Variants in XIRP2 observed in about 807,000 individuals in gnomAD.
XIRP2 encodes xin actin binding repeat containing 2.
In XIRP2, 236 loss-of-function variants were observed where a neutral mutation model predicts 277.0. That is an observed-to-expected ratio of 0.85 (90% CI 0.77 to 0.95). The LOEUF (loss-of-function observed/expected upper bound fraction) is 0.95, where lower values mean the gene tolerates loss of function less well. Among genes scored for constraint, XIRP2 ranks in the 40% least tolerant of loss-of-function variants. XIRP2 has a pLI of 0.00. For synonymous variants in XIRP2, 1,490 were observed against 1,416.5 expected (o/e 1.05, Z -1.17); for missense variants, 4,640 against 4,157.5 (o/e 1.12, Z -3.19).
At chr2:167,017,672 C>T (rs1048206994) in intron 2 of XIRP2, among the ~76,000 whole-genome samples, 1 of 151,892 alleles carries the variant, frequency 6.6e-6, no homozygotes, top group African/African-American at 2.4e-5. Context: ...CTCTTGGTTC[C>T]TCGACTCATG....
intron 3 of XIRP2, among the ~76,000 whole-genome samples, chr2:167,201,243 A>G (rs1559018299): frequency 9.9e-5 from 13 of 131,776 alleles, no homozygotes; most frequent in African/African-American, 4.2e-4. Flanking sequence ...AGAAAGAAAG[A>G]AAGAAAGAAA....
At chr2:167,204,388 G>A (rs938770497) in intron 3 of XIRP2, among the ~76,000 whole-genome samples, 1 of 152,116 alleles carries the variant, frequency 6.6e-6, no homozygotes, top group Non-Finnish European at 1.5e-5. Flanking sequence ...ACTGAGCATA[G>A]TGATTTTGTT....
chr2:166,905,534 A>G (rs1423065261), intron 2 of XIRP2, among the ~76,000 whole-genome samples: 1 of 151,944 alleles, frequency 6.6e-6, no homozygotes, highest in Non-Finnish European at 1.5e-5. Flanking sequence ...ATATATTAAA[A>G]CCACCATTTG....
rs1410701744 is a variant in XIRP2 at position 167,248,408 on chromosome 2, A to C, written c.7016A>C (p.Glu2339Ala). The C allele has an allele frequency of 6.2e-7, 1 of 1,613,578 alleles. No individual in the cohort carries two copies. The highest frequency in any genetic ancestry group is 8.5e-7 in the Non-Finnish European group (1 of 1,179,812). ...LSTEKIKAEF[E>A]SFPGLPLPPP... ...ACAGAGAAGATAAAGGCTGAATTTG[A>C]AAGTTTTCCAGGCCTCCCTCTTCCT... Residue 2339 changes from glutamate (E) to alanine (A), a missense_variant, in exon 9 of 11, where the codon GAA becomes GCA. Glu to Ala is a moderately radical substitution (Grantham distance 107, BLOSUM62 -1). Coordinates refer to ENST00000409195, the MANE Select transcript of XIRP2 (RefSeq NM_152381.6).
Position 167,245,283 on chromosome 2 carries a change from G to C in XIRP2, c.3891G>C (p.Lys1297Asn). 6.2e-7 allele frequency: 1 copy of C among 1,613,442 alleles called. No individual in the cohort carries two copies. Among genetic ancestry groups the C allele is most frequent in the Non-Finnish European group, 8.5e-7 (1 of 1,179,670 alleles). Residue 1297 changes from lysine to asparagine, a missense_variant, in exon 9 of 11, where the codon AAG becomes AAC. Transcript: ENST00000409195. ...AAGAATCTGACTATATCAGCACCAA[G>C]AAAACAATTACTGAAGAAGTAATAC... ...IKEESDYISTKKTITEEVIQG... is the reference protein window; with the variant it reads ...IKEESDYISTNKTITEEVIQG...
chr2:167,122,711 T>C (rs1331554210), intron 2 of XIRP2, among the ~76,000 whole-genome samples: 1 of 152,180 alleles, frequency 6.6e-6, no homozygotes, highest in Non-Finnish European at 1.5e-5. Flanking sequence ...AAGGCCCCTT[T>C]TTGAGAAAAT....
intron 2 of XIRP2, among the ~76,000 whole-genome samples, chr2:166,958,755 T>C (rs1214055145): frequency 2.0e-5 from 3 of 151,822 alleles, no homozygotes; most frequent in Non-Finnish European, 4.4e-5. Context: ...TCAGTCTTCT[T>C]ACTGTGGTGA....
chr2:167,179,406 C>T (rs1692945833), intron 3 of XIRP2, among the ~76,000 whole-genome samples: 1 of 150,742 alleles, frequency 6.6e-6, no homozygotes, highest in South Asian at 2.1e-4. Flanking sequence ...CTGCAACCTC[C>T]ACCTCCCGGG....
rs926535502 is a variant in XIRP2, at chr2:167,237,903, AT to A, written c.859-1944del. ...AAAGAGCTGTCATTAGTGCCCATGCATTTTTTTTATATCTGCAGTTGTCAAT... is the reference window on the plus strand; with the variant it reads ...AAAGAGCTGTCATTAGTGCCCATGCATTTTTTTATATCTGCAGTTGTCAAT... On this transcript the variant is annotated intron_variant, in intron 5 of 10. Transcript: ENST00000409195. 1.4e-4 allele frequency among the ~76,000 whole-genome samples: 22 copies of A among 152,180 alleles called. No individual in the cohort carries two copies. In the East Asian group the frequency reaches 1.5e-3, roughly 11 times the overall value.
At chr2:167,049,178 A>G (rs2105531749) in intron 2 of XIRP2, among the ~76,000 whole-genome samples, 1 of 150,228 alleles carries the variant, frequency 6.7e-6, no homozygotes, top group African/African-American at 2.4e-5. Context: ...GGAAGTGTTC[A>G]AAAAGCCTTT....
chr2:167,196,933 G>T (rs1693538306), intron 3 of XIRP2, among the ~76,000 whole-genome samples: 1 of 152,116 alleles, frequency 6.6e-6, no homozygotes, highest in African/African-American at 2.4e-5. Flanking sequence ...CTTCTGGACT[G>T]AAATATGATG....
intron 2 of XIRP2, among the ~76,000 whole-genome samples, chr2:167,119,673 G>T (rs1424435155): frequency 6.6e-6 from 1 of 152,168 alleles, no homozygotes; most frequent in Non-Finnish European, 1.5e-5. Flanking sequence ...AGTAGATTAT[G>T]CATGATGCCC....
chr2:167,050,678 G>T (rs1688892054), intron 2 of XIRP2, among the ~76,000 whole-genome samples: 1 of 151,908 alleles, frequency 6.6e-6, no homozygotes, highest in African/African-American at 2.4e-5. Flanking sequence ...CCAAAGATAG[G>T]ATCAGGTAAA....
intron 2 of XIRP2, among the ~76,000 whole-genome samples, chr2:167,012,714 T>G (rs1033734929): frequency 6.6e-6 from 1 of 151,436 alleles, no homozygotes; most frequent in Non-Finnish European, 1.5e-5. Flanking sequence ...CTTTCTTCAT[T>G]GAAATCATAT....
Position 167,258,877 on chromosome 2 carries a change from A to G in XIRP2, c.*1060A>G, listed in dbSNP as rs375756439. On this transcript the variant is annotated 3_prime_UTR_variant, in exon 11 of 11. Transcript: ENST00000409195. ...AGACTTATTCGAGGAATGTACTAGCAATGGCTCTGAAGAAACAGACTGACA... is the reference window on the plus strand; with the variant it reads ...AGACTTATTCGAGGAATGTACTAGCGATGGCTCTGAAGAAACAGACTGACA... 1.9e-6 allele frequency: 3 copies of G among 1,613,148 alleles called. No individual in the cohort carries two copies. The African/African-American group carries it at 4.0e-5, about 22-fold the overall frequency.
intron 3 of XIRP2, among the ~76,000 whole-genome samples, chr2:167,148,249 G>A (rs112714031): frequency 7.9e-5 from 12 of 151,830 alleles, no homozygotes; most frequent in African/African-American, 2.4e-4. Context: ...GGGTGTGGTG[G>A]CATGCACCTG....
At chr2:167,027,674 A>T (rs1023370229) in intron 2 of XIRP2, among the ~76,000 whole-genome samples, 1 of 152,024 alleles carries the variant, frequency 6.6e-6, no homozygotes, top group Admixed American at 6.6e-5. Flanking sequence ...TGATGTACAG[A>T]TGGGTTTTTG....
In XIRP2 at chr2:167,241,655, G is replaced by A. The variant is rs150782262; in HGVS notation, c.1043-122G>A. On this transcript the variant is annotated intron_variant, in intron 7 of 10. Coordinates refer to ENST00000409195, the MANE Select transcript of XIRP2 (RefSeq NM_152381.6). ...ACACCCTTGGGCTCAAGTAATCTTCGCACCTCAGTCTCCCAAAGTATTGGG... is the reference window on the plus strand; with the variant it reads ...ACACCCTTGGGCTCAAGTAATCTTCACACCTCAGTCTCCCAAAGTATTGGG... 1,407 of 1,130,608 alleles carry A rather than the reference G, an allele frequency of 1.2e-3. 6 individuals carry two copies. In the African/African-American group the frequency reaches 0.018, roughly 14 times the overall value. The allele number at this position is 1,130,608 out of a possible 1,614,324, so 70.0% of individuals were successfully genotyped here.
chr2:167,112,499 T>G (rs1299915541), intron 2 of XIRP2, among the ~76,000 whole-genome samples: 1 of 149,976 alleles, frequency 6.7e-6, no homozygotes, highest in Non-Finnish European at 1.5e-5. Context: ...TTATTAATAT[T>G]TATTTTTCTT....
Sources: allele counts gnomAD v4.1 joint callset (sites outside exome capture counted in the v4.1 genomes callset), GRCh38; gene constraint gnomAD v4.1.1; transcripts MANE v1.5; gene names NCBI Gene and HGNC (gene_info 2026-07-23, HGNC 2026-07-21).